RAB38: variants seen among roughly 807,000 people sequenced by gnomAD.
RAB38 encodes the protein ras-related protein Rab-38.
Under a neutral mutation model 18.4 loss-of-function variants are expected in RAB38, and 15 were observed. The ratio of observed to expected loss-of-function variants is 0.82; its 90% CI spans 0.55 to 1.26. RAB38 has a LOEUF of 1.26. Ranked by LOEUF, RAB38 falls within the 50% of genes most tolerant of loss-of-function variation. RAB38 has a pLI of 0.00. For missense variants in RAB38, 294 were observed against 267.4 expected (o/e 1.10, Z -0.69); for synonymous variants, 101 against 104.4 (o/e 0.97, Z 0.20).
intron 2 of RAB38, among the ~76,000 whole-genome samples, chr11:88,145,981 A>C (rs1181807857): frequency 1.3e-5 from 2 of 152,218 alleles, no homozygotes; most frequent in Non-Finnish European, 2.9e-5. Context: ...AAAACCAAAG[A>C]ATATGACGCA....
the RAB38 span, among the ~76,000 whole-genome samples, chr11:87,882,357 TA>T: frequency 6.6e-6 from 1 of 151,852 alleles, no homozygotes; most frequent in South Asian, 2.1e-4. Flanking sequence ...CAGAAGCCCC[TA>T]AAGGGCTTTA....
the RAB38 span, among the ~76,000 whole-genome samples, chr11:88,051,799 T>G: frequency 6.6e-6 from 1 of 152,170 alleles, no homozygotes; most frequent in Non-Finnish European, 1.5e-5. Context: ...TAGGAATAAC[T>G]AAATGACAGT....
the RAB38 span, among the ~76,000 whole-genome samples, chr11:87,894,698 G>A: frequency 5.3e-4 from 80 of 150,682 alleles, no homozygotes; most frequent in East Asian, 0.013. Flanking sequence ...TATGCTGAGT[G>A]CATTACGTAT....
At chr11:88,138,787 TTA>T (rs199730448) in intron 2 of RAB38, among the ~76,000 whole-genome samples, 30,995 of 115,388 alleles carry the variant, frequency 0.27, 3,502 homozygotes, top group Non-Finnish European at 0.33. Flanking sequence ...TCTTTTTTTT[TTA>T]TTATTTTTTT....
chr11:87,882,740 G>A, the RAB38 span, among the ~76,000 whole-genome samples: 2 of 151,776 alleles, frequency 1.3e-5, no homozygotes, highest in Non-Finnish European at 2.9e-5. Context: ...TTTGTTGTCG[G>A]CAGTAAAATT....
chr11:88,052,562 T>C, the RAB38 span, among the ~76,000 whole-genome samples: 1 of 152,124 alleles, frequency 6.6e-6, no homozygotes, highest in East Asian at 1.9e-4. Flanking sequence ...CTTAGGTCTG[T>C]ATTTGAATTT....
the RAB38 span, among the ~76,000 whole-genome samples, chr11:87,853,022 G>C: frequency 6.6e-6 from 1 of 152,104 alleles, no homozygotes; most frequent in South Asian, 2.1e-4. Flanking sequence ...TGTGATAATT[G>C]CTAGGGAAAA....
chr11:87,951,137 C>G, the RAB38 span, among the ~76,000 whole-genome samples: 3 of 152,120 alleles, frequency 2.0e-5, no homozygotes, highest in African/African-American at 4.8e-5. Flanking sequence ...TCATTCATTT[C>G]ATCTTCCATC....
the RAB38 span, among the ~76,000 whole-genome samples, chr11:88,040,764 A>C: frequency 1.3e-5 from 2 of 152,116 alleles, no homozygotes; most frequent in Admixed American, 1.3e-4. Context: ...CTCCAAATAC[A>C]GTCACATTCT....
chr11:88,119,690 A>G (rs1942605602), intron 2 of RAB38, among the ~76,000 whole-genome samples: 1 of 151,618 alleles, frequency 6.6e-6, no homozygotes, highest in South Asian at 2.1e-4. Flanking sequence ...AAAAAATCCT[A>G]GCAGAAAATT....
At chr11:88,012,361 A>G in the RAB38 span, among the ~76,000 whole-genome samples, 1 of 152,292 alleles carries the variant, frequency 6.6e-6, no homozygotes, top group African/African-American at 2.4e-5. Flanking sequence ...AAAAGACACC[A>G]CACTGGAAGG....
the RAB38 span, among the ~76,000 whole-genome samples, chr11:87,811,115 T>C: frequency 6.6e-6 from 1 of 152,212 alleles, no homozygotes; most frequent in Non-Finnish European, 1.5e-5. Context: ...GTTTCCTGCA[T>C]GTGCAGTGCC....
the RAB38 span, among the ~76,000 whole-genome samples, chr11:87,826,151 C>T: frequency 1.2e-3 from 189 of 151,890 alleles, 2 homozygotes; most frequent in East Asian, 0.027. Context: ...GTATATAATA[C>T]GAGAATCAAT....
chr11:88,028,286 G>A, the RAB38 span, among the ~76,000 whole-genome samples: 3 of 152,080 alleles, frequency 2.0e-5, no homozygotes, highest in African/African-American at 7.2e-5. Flanking sequence ...GGAAAAAACA[G>A]AACAGAAAAA....
chr11:87,884,669 T>C, the RAB38 span, among the ~76,000 whole-genome samples: 5 of 151,898 alleles, frequency 3.3e-5, no homozygotes, highest in African/African-American at 9.7e-5. Flanking sequence ...CCAAAGACAA[T>C]GTCCCTGATA....
chr11:87,972,229 C>T, the RAB38 span, among the ~76,000 whole-genome samples: 1 of 152,014 alleles, frequency 6.6e-6, no homozygotes, highest in East Asian at 1.9e-4. Flanking sequence ...GCCCACATAG[C>T]AAGGTGATTA....
At chr11:87,934,757 C>T in the RAB38 span, among the ~76,000 whole-genome samples, 4 of 151,870 alleles carry the variant, frequency 2.6e-5, no homozygotes, top group Non-Finnish European at 5.9e-5. Context: ...AAGAAACCAT[C>T]TGAGGTATTT....
chr11:87,814,435 A>T, the RAB38 span, among the ~76,000 whole-genome samples: 1 of 152,202 alleles, frequency 6.6e-6, no homozygotes. Context: ...ATGCACTTTT[A>T]TATGTAAATA....
chr11:88,006,387 T>C, the RAB38 span, among the ~76,000 whole-genome samples: 1 of 151,316 alleles, frequency 6.6e-6, no homozygotes. Flanking sequence ...AAATTAAAAA[T>C]GGAACCACCA....
Sources: allele counts gnomAD v4.1 joint callset (sites outside exome capture counted in the v4.1 genomes callset), GRCh38; gene constraint gnomAD v4.1.1; transcripts MANE v1.5; gene names NCBI Gene and HGNC (gene_info 2026-07-23, HGNC 2026-07-21).